The following CDH4 variants were observed in gnomAD, a reference collection of about 807,000 sequenced individuals.
The protein encoded by CDH4 is cadherin-4.
Under a neutral mutation model 86.0 loss-of-function variants are expected in CDH4, and 33 were observed. The observed-to-expected ratio is 0.38, with a 90% CI of 0.29 to 0.51. The LOEUF (loss-of-function observed/expected upper bound fraction) is 0.51. Ranked by LOEUF, CDH4 falls within the 20% of genes least tolerant of loss-of-function variation. The pLI is 0.86. For missense variants in CDH4, 1,114 were observed against 1,307.4 expected (o/e 0.85, Z 2.28); for synonymous variants, 555 against 549.4 (o/e 1.01, Z -0.14).
rs150405068 is a variant in CDH4 at position 61,499,301 on chromosome 20, C to T, written c.170-244262C>T. On this transcript the variant is annotated intron_variant, in intron 2 of 15. Transcript: ENST00000614565. ...CACAGCCCCGGACCTTCATGCTGCT[C>T]ACTCTGGCCAGGTACTTTCATCCCC... 3.5e-4 allele frequency: 151 copies of T among 427,238 alleles called. No homozygotes were observed. The East Asian group carries it at 0.01, about 29-fold the overall frequency. The allele number at this position is 427,238 out of a possible 1,614,324, so 26.5% of individuals were successfully genotyped here.
At chr20:61,808,114 T>G (rs921605298) in intron 4 of CDH4, among the ~76,000 whole-genome samples, 5 of 151,862 alleles carry the variant, frequency 3.3e-5, no homozygotes, top group African/African-American at 9.7e-5. Flanking sequence ...TAAATCCTCC[T>G]TAGCTGAGCA....
At chr20:61,566,815 G>A (rs1403092872) in intron 2 of CDH4, among the ~76,000 whole-genome samples, 1 of 152,138 alleles carries the variant, frequency 6.6e-6, no homozygotes, top group Non-Finnish European at 1.5e-5. Context: ...TCGCTTATCG[G>A]TCACTCTCCG....
chr20:61,466,828 G>T (rs1362042920), intron 2 of CDH4, among the ~76,000 whole-genome samples: 2 of 139,688 alleles, frequency 1.4e-5, no homozygotes, highest in African/African-American at 2.6e-5. Flanking sequence ...TCCAGCCTGG[G>T]TGACAAAGTG....
At chr20:61,441,695 G>C (rs1468322836) in intron 2 of CDH4, among the ~76,000 whole-genome samples, 1 of 152,162 alleles carries the variant, frequency 6.6e-6, no homozygotes, top group Non-Finnish European at 1.5e-5. Context: ...TACCATTTAG[G>C]AGAAAACATG....
At chr20:61,559,344 G>C (rs996777464) in intron 2 of CDH4, among the ~76,000 whole-genome samples, 1 of 151,882 alleles carries the variant, frequency 6.6e-6, no homozygotes, top group Admixed American at 6.6e-5. Flanking sequence ...TTTTTAAAAA[G>C]TATTGCTGCT....
chr20:61,667,724 G>A (rs1273350474), intron 2 of CDH4, among the ~76,000 whole-genome samples: 2 of 152,194 alleles, frequency 1.3e-5, no homozygotes, highest in Non-Finnish European at 2.9e-5. Flanking sequence ...CTGGACTCGG[G>A]TCTTTATGTG....
At chr20:61,539,007 C>T (rs949728451) in intron 2 of CDH4, among the ~76,000 whole-genome samples, 1 of 152,154 alleles carries the variant, frequency 6.6e-6, no homozygotes, top group African/African-American at 2.4e-5. Flanking sequence ...CGGTCTCTGC[C>T]GCTGGAGGCA....
Position 61,754,114 on chromosome 20 carries a change from G to A in CDH4, c.396+10325G>A, listed in dbSNP as rs193072857. ...AAGATTGTGGCACCACCAGGAGCCA[G>A]GAGAGACGCCCAGAGCAGATTCTCC... On this transcript the variant is annotated intron_variant, in intron 3 of 15. Coordinates refer to ENST00000614565, the MANE Select transcript of CDH4 (RefSeq NM_001794.5). This position sits in a 1 kb window ranked among gnomAD's most constrained non-coding sequence, Gnocchi z 4.7. 2.0e-5 allele frequency among the ~76,000 whole-genome samples: 3 copies of A among 152,296 alleles called. No homozygotes were observed. The highest frequency in any genetic ancestry group is 2.9e-5 in the Non-Finnish European group (2 of 68,018).
chr20:61,316,098 A>C (rs2084474839), intron 2 of CDH4, among the ~76,000 whole-genome samples: 1 of 152,122 alleles, frequency 6.6e-6, no homozygotes, highest in African/African-American at 2.4e-5. Flanking sequence ...AGTTTTCCTA[A>C]TTCACGTCCT....
chr20:61,557,379 C>T (rs900814719), intron 2 of CDH4, among the ~76,000 whole-genome samples: 9 of 152,150 alleles, frequency 5.9e-5, no homozygotes, highest in East Asian at 1.9e-4. Context: ...CAGAGTTTGC[C>T]GACCGTTGGC....
intron 2 of CDH4, among the ~76,000 whole-genome samples, chr20:61,283,747 T>A (rs1314814896): frequency 3.3e-5 from 5 of 152,216 alleles, no homozygotes; most frequent in African/African-American, 9.6e-5. Context: ...TTGTGATGGG[T>A]CATTAGAAGC....
At chr20:61,756,416 G>C (rs1393272440) in intron 3 of CDH4, among the ~76,000 whole-genome samples, 2 of 152,148 alleles carry the variant, frequency 1.3e-5, no homozygotes, top group Non-Finnish European at 2.9e-5. Flanking sequence ...GCTGGAGCAG[G>C]GAGCTCAGGA....
intron 2 of CDH4, among the ~76,000 whole-genome samples, chr20:61,593,749 T>C (rs1349439045): frequency 6.6e-6 from 1 of 151,952 alleles, no homozygotes; most frequent in Non-Finnish European, 1.5e-5. Flanking sequence ...TGAAGCAACA[T>C]CTGAATGTTA....
intron 4 of CDH4, among the ~76,000 whole-genome samples, chr20:61,802,683 G>C (rs1231491163): frequency 6.6e-6 from 1 of 152,242 alleles, no homozygotes; most frequent in East Asian, 1.9e-4. Context: ...AGAAAAGGCA[G>C]AGCGCAGCCC....
At position 61,482,875 on chromosome 20, in the gene CDH4, G is replaced by A. The variant is rs1406822038; in HGVS notation, c.169+227938G>A. On this transcript the variant is annotated intron_variant, in intron 2 of 15. Transcript: ENST00000614565. The stretch of plus-strand genomic sequence containing the variant: ...GTTAACTGAGTGAATCCGCACGTCC[G>A]CCCTGTGTGGTACCTCATGCCATCA... Among the ~76,000 whole-genome samples, 8 of 152,174 alleles carry A rather than the reference G, an allele frequency of 5.3e-5. No individual in the cohort carries two copies. The South Asian group carries it at 6.2e-4, about 12-fold the overall frequency.
chr20:61,757,974 G>T (rs2088585989), intron 3 of CDH4, among the ~76,000 whole-genome samples: 1 of 152,276 alleles, frequency 6.6e-6, no homozygotes, highest in African/African-American at 2.4e-5. Context: ...TCCCGGCACT[G>T]CTGTGTAGCA....
chr20:61,808,538 C>A (rs567832915), intron 4 of CDH4, among the ~76,000 whole-genome samples: 161 of 152,218 alleles, frequency 1.1e-3, no homozygotes, highest in African/African-American at 3.4e-3. Context: ...CTGGCTCAGC[C>A]CCTCCCAGAT....
chr20:61,933,601 C>T (rs2055140706), intron 14 of CDH4, among the ~76,000 whole-genome samples: 1 of 152,114 alleles, frequency 6.6e-6, no homozygotes, highest in Non-Finnish European at 1.5e-5. Context: ...GCTCAGACCC[C>T]TCCCTGCCCC....
At chr20:61,752,368 A>G (rs1001113843) in intron 3 of CDH4, among the ~76,000 whole-genome samples, 32 of 152,070 alleles carry the variant, frequency 2.1e-4, no homozygotes, top group Admixed American at 9.8e-4. Context: ...TGATCATCAA[A>G]ACATATATCT....
Sources: gnomAD v4.1 joint callset for allele counts (sites outside exome capture counted in the v4.1 genomes callset) on GRCh38, gnomAD v4.1.1 for gene constraint, Gnocchi (gnomAD v3.1) non-coding constraint, MANE v1.5 for transcripts, NCBI Gene and HGNC (gene_info 2026-07-23, HGNC 2026-07-21) for gene names.